The following IGSF22 variants were observed in gnomAD, a reference collection of about 807,000 sequenced individuals.
IGSF22 encodes the protein immunoglobulin superfamily, member 22.
IGSF22 carries 119 observed loss-of-function variants against 127.0 expected under a neutral mutation model. The ratio of observed to expected loss-of-function variants is 0.94; its 90% CI spans 0.81 to 1.09. The LOEUF (loss-of-function observed/expected upper bound fraction) is 1.09, where lower values mean the gene tolerates loss of function less well. Among genes scored for constraint, IGSF22 ranks in the 50% least tolerant of loss-of-function variants. IGSF22 has a pLI of 0.00. For missense variants in IGSF22, 1,518 were observed against 1,716.6 expected, an observed-to-expected ratio of 0.88 and a Z score of 2.04; for synonymous variants, 568 against 664.7, an observed-to-expected ratio of 0.85 and a Z score of 2.24.
intron 16 of IGSF22, 42 bp from the exon 17 acceptor site, chr11:18,710,497 A>C: frequency 6.2e-7 from 1 of 1,611,838 alleles, no homozygotes; most frequent in South Asian, 1.1e-5. Context: ...AGAGGCATCC[A>C]TGGGGTGAGA....
chr11:18,706,025 G>C lies in IGSF22; in HGVS notation c.3702C>G (p.Cys1234Trp), dbSNP rs553408990. 1.9e-6 allele frequency: 3 copies of C among 1,551,648 alleles called. No homozygotes were observed. Among genetic ancestry groups the C allele is most frequent in the Non-Finnish European group, 1.7e-6 (2 of 1,146,976 alleles). ...VLRGQDCTMTCAFLGNPRPTV... is the reference protein window; with the variant it reads ...VLRGQDCTMTWAFLGNPRPTV... ...TGGGCCGCGGGTTCCCAAGGAAGGC[G>C]CAGGTCATGGTGCAGTCCTGGCCGC... is the stretch of plus-strand genomic sequence containing the variant. The change falls in exon 22 of 23, where the codon TGC becomes TGG. Residue 1234 changes from cysteine to tryptophan, a missense_variant. Around this residue, in one of 3 missense-constraint regions of IGSF22, gnomAD observed 1,456 missense variants for 1,644.9 expected, o/e 0.89. Coordinates refer to ENST00000513874, the MANE Select transcript of IGSF22 (RefSeq NM_173588.4).
chr11:18,705,885 C>T lies in IGSF22; in HGVS notation c.3842G>A (p.Gly1281Asp), dbSNP rs1848216319. ...VIPTCTLKDS[G>D]DYSVLVENEL... ...GTTCTCCACCAGCACGCTGTAATCGCCGCTGTCCTTGAGCGTGCAGGTGGG... is the reference window on the plus strand; with the variant it reads ...GTTCTCCACCAGCACGCTGTAATCGTCGCTGTCCTTGAGCGTGCAGGTGGG... The change falls in exon 22 of 23, where the codon GGC becomes GAC. Residue 1281 changes from glycine to aspartate, a missense_variant. By Grantham distance (94) the Gly-to-Asp change is moderately conservative. Transcript: ENST00000513874. 6.4e-7 allele frequency: 1 copy of T among 1,551,618 alleles called. No homozygotes were observed. Among genetic ancestry groups the T allele is most frequent in the Admixed American group, 2.0e-5 (1 of 51,008 alleles).
rs1007353542 is a variant in IGSF22 at position 18,709,037 on chromosome 11, T to C, written c.2998+350A>G. 2.0e-5 allele frequency among the ~76,000 whole-genome samples: 3 copies of C among 152,104 alleles called. No individual in the cohort carries two copies. The highest frequency in any genetic ancestry group is 4.4e-5 in the Non-Finnish European group (3 of 68,024). ...CCCTGGACTTTGAATTTTCGGGGAA[T>C]TGATTTGGGTAATAACTCTGTCTCC... On this transcript the variant is annotated intron_variant, in intron 18 of 22. Transcript: ENST00000513874. The surrounding 1 kb of genome is among the most constrained non-coding windows in gnomAD (Gnocchi z 4.8).
rs1283476789 is a variant in IGSF22, at chr11:18,721,661, G to A, written c.252C>T (p.Ala84=). ...QPVTAPEGDK[A]VFRARVQGNA... ...TCCCCTGCACCCGGGCTCGGAACAC[G>A]GCTTTGTCCCCTGCGATGAGCACAG... The change falls in exon 4 of 23, where the codon GCC becomes GCT. Residue 84 remains alanine (A), a synonymous_variant. Coordinates refer to ENST00000513874, the MANE Select transcript of IGSF22 (RefSeq NM_173588.4). The A allele has an allele frequency of 1.9e-6, 3 of 1,614,252 alleles. No individual in the cohort carries two copies. The highest frequency in any genetic ancestry group is 2.5e-6 in the Non-Finnish European group (3 of 1,180,044).
At chr11:18,715,881 G>A (rs1373011416) in intron 10 of IGSF22, among the ~76,000 whole-genome samples, 165 bp from the exon 11 acceptor site, 4 of 152,202 alleles carry the variant, frequency 2.6e-5, no homozygotes, top group Non-Finnish European at 5.9e-5. Context: ...TACCCGACAG[G>A]GAGAGTCTCA....
At position 18,724,156 on chromosome 11, in the gene IGSF22, G is replaced by C. The variant is rs780154779; in HGVS notation, c.81C>G (p.Thr27=). ...CCACGATCTTGGTTGTCTGGGAGAA[G>C]GTCTGCACGTGGGTGGTGGAGCTGG... ...EFSSSTTHVQ[T]FSQTTKIVGE... Residue 27 remains threonine, a synonymous_variant, in exon 2 of 23, where the codon ACC becomes ACG. Coordinates refer to ENST00000513874, the MANE Select transcript of IGSF22 (RefSeq NM_173588.4). 6.2e-7 allele frequency: 1 copy of C among 1,613,840 alleles called. No individual in the cohort carries two copies. Among genetic ancestry groups the C allele is most frequent in the Admixed American group, 1.7e-5 (1 of 60,024 alleles).
In IGSF22 at chr11:18,721,587, T is replaced by C. The variant is rs190076478; in HGVS notation, c.326A>G (p.Lys109Arg). The change falls in exon 4 of 23, where the codon AAG (lysine) becomes AGG (arginine). Residue 109 changes from lysine to arginine, a missense_variant. Transcript: ENST00000513874. ...SWKRESGIPI[K>R]ESAKIFYDSI... The stretch of plus-strand genomic sequence containing the variant: ...GTCGTAGAATATCTTGGCGGACTCC[T>C]TGATGGGGATGCCGCTCTCCCTCTT... 4.0e-5 allele frequency: 64 copies of C among 1,614,240 alleles called. 1 individual carries two copies. The African/African-American group carries it at 4.4e-4, about 11-fold the overall frequency.
chr11:18,708,466 C>G (rs373405037), intron 18 of IGSF22, among the ~76,000 whole-genome samples, 171 bp from the exon 19 acceptor site: 5 of 152,250 alleles, frequency 3.3e-5, no homozygotes, highest in African/African-American at 1.2e-4. Flanking sequence ...GTTTTCTCAT[C>G]TGTCTCCTTC....
At position 18,708,247 on chromosome 11, in the gene IGSF22, A is replaced by C. The variant is rs1293726086; in HGVS notation, c.3047T>G (p.Val1016Gly). Residue 1016 changes from valine to glycine, a missense_variant, in exon 19 of 23, where the codon GTT becomes GGT. Coordinates refer to ENST00000513874, the MANE Select transcript of IGSF22 (RefSeq NM_173588.4). ...GATGCAGAGGGCTGTCCCAGCGCGA[A>C]CCACCATGTGACTCTTCAGCCGGGC... ...LSARLKSHMV[V>G]RAGTALCIHA... 1.9e-6 allele frequency: 3 copies of C among 1,549,142 alleles called. No individual in the cohort carries two copies. In the East Asian group the frequency reaches 7.3e-5, roughly 38 times the overall value.
chr11:18,713,387 A>T (rs1848393678), intron 14 of IGSF22, among the ~76,000 whole-genome samples: 1 of 152,034 alleles, frequency 6.6e-6, no homozygotes, highest in Non-Finnish European at 1.5e-5. Flanking sequence ...TCCTGACCTT[A>T]AGTGATCCAC....
intron 15 of IGSF22, among the ~76,000 whole-genome samples, chr11:18,711,857 C>G (rs573621683): frequency 6.6e-5 from 10 of 152,208 alleles, no homozygotes; most frequent in Non-Finnish European, 1.3e-4. Context: ...TTGTGCACGT[C>G]CTGGGTATAC....
chr11:18,725,866 G>T lies in IGSF22; in HGVS notation c.-34+208C>A, dbSNP rs559747445. Among the ~76,000 whole-genome samples, 68 of 152,324 alleles carry T rather than the reference G, an allele frequency of 4.5e-4. 1 individual carries two copies. Among genetic ancestry groups the T allele is most frequent in the African/African-American group, 1.5e-3 (64 of 41,576 alleles). On this transcript the variant is annotated intron_variant, in intron 1 of 22. Coordinates refer to ENST00000513874, the MANE Select transcript of IGSF22 (RefSeq NM_173588.4). ...CTCCAGTCCAGTGGCGTCCCAGAGGGCTCCAAAGCCTTCTTTAACCCAGGT... is the reference window on the plus strand; with the variant it reads ...CTCCAGTCCAGTGGCGTCCCAGAGGTCTCCAAAGCCTTCTTTAACCCAGGT...
Position 18,713,883 on chromosome 11 carries a change from T to C in IGSF22, c.2064A>G (p.Ser688=). The C allele has an allele frequency of 1.2e-6, 2 of 1,614,176 alleles. No individual in the cohort carries two copies. Among genetic ancestry groups the C allele is most frequent in the Non-Finnish European group, 1.7e-6 (2 of 1,180,026 alleles). The change falls in exon 14 of 23, where the codon TCA becomes TCG. Residue 688 remains serine, a synonymous_variant. Coordinates refer to ENST00000513874, the MANE Select transcript of IGSF22 (RefSeq NM_173588.4). ...CACTAAGGTGCAGAGTGGCCGTGGC[T>C]GAGCCGTGGTCATTCTTGAGCTTGA... The part of the protein sequence containing the change: ...ILLKLKNDHG[S]ATATLHLSVL...
Position 18,724,267 on chromosome 11 carries a change from A to C in IGSF22, c.-31T>G. ...CAGCAGGCGTGGGCACTCACCTGTGAGACTGGGGAAGAGGATGAGGCCATG... is the reference window on the plus strand; with the variant it reads ...CAGCAGGCGTGGGCACTCACCTGTGCGACTGGGGAAGAGGATGAGGCCATG... On this transcript the variant is annotated splice_region_variant and 5_prime_UTR_variant, in exon 2 of 23. Coordinates refer to ENST00000513874, the MANE Select transcript of IGSF22 (RefSeq NM_173588.4). 6.6e-7 allele frequency: 1 copy of C among 1,504,000 alleles called. No homozygotes were observed. The highest frequency in any genetic ancestry group is 9.2e-7 in the Non-Finnish European group (1 of 1,081,196). The allele number at this position is 1,504,000 out of a possible 1,614,324, so 93.2% of individuals were successfully genotyped here.
In IGSF22 at chr11:18,712,237, C is replaced by T; in HGVS notation, c.2243G>A (p.Trp748Ter). The stretch of plus-strand genomic sequence containing the variant: ...GCCGTCCACCTCGCCTATCTTAATC[C>T]AGGACTTCTTGCCAACTGCCCTCCG... ...VERRAVGKKS[W>*]IKIGEVDGKV... The change falls in exon 15 of 23, where the codon TGG (tryptophan) becomes TAG (stop). Residue 748 changes from tryptophan to a stop codon, truncating the protein, a stop_gained. Coordinates refer to ENST00000513874, the MANE Select transcript of IGSF22 (RefSeq NM_173588.4). LOFTEE classifies it high-confidence loss of function. 6.4e-7 allele frequency: 1 copy of T among 1,551,734 alleles called. No individual in the cohort carries two copies. Among genetic ancestry groups the T allele is most frequent in the Non-Finnish European group, 8.7e-7 (1 of 1,146,996 alleles).
At chr11:18,713,161 T>A (rs1025100622) in intron 14 of IGSF22, among the ~76,000 whole-genome samples, 1 of 149,806 alleles carries the variant, frequency 6.7e-6, no homozygotes, top group African/African-American at 2.4e-5. Flanking sequence ...CTTTTTTTTT[T>A]TTTTTTTTGG....
At position 18,707,800 on chromosome 11, in the gene IGSF22, A is replaced by G; in HGVS notation, c.3280+4T>C. On this transcript the variant is annotated splice_donor_region_variant and intron_variant, in intron 20 of 22. Coordinates refer to ENST00000513874, the MANE Select transcript of IGSF22 (RefSeq NM_173588.4). ...TCTTGGAGGCCTCTGCCTTCTCTCC[A>G]TACCTGCCACGCGCACATGGATGTC... is the stretch of plus-strand genomic sequence containing the variant. 2 of 1,570,726 alleles carry G rather than the reference A, an allele frequency of 1.3e-6. No individual in the cohort carries two copies. The highest frequency in any genetic ancestry group is 2.3e-5 in the South Asian group (2 of 86,074).
Position 18,707,738 on chromosome 11 carries a change from C to T in IGSF22, c.3280+66G>A, listed in dbSNP as rs1430734931. ...TCCTGTGGTAGGAACTCAAGCGGCA[C>T]TGGGGAGCTGTGCTTTGGAGAGTGT... On this transcript the variant is annotated intron_variant, in intron 20 of 22. Transcript: ENST00000513874. 3.6e-6 allele frequency: 5 copies of T among 1,388,040 alleles called. No individual in the cohort carries two copies. The Admixed American group carries it at 1.0e-4, about 28-fold the overall frequency. The allele number at this position is 1,388,040 out of a possible 1,614,324, so 86.0% of individuals were successfully genotyped here. A position where few individuals can be genotyped will look rare whatever the true frequency, so the allele number is the denominator to read the frequency against.
At chr11:18,725,589 C>T (rs146008870) in intron 1 of IGSF22, among the ~76,000 whole-genome samples, 1 of 152,174 alleles carries the variant, frequency 6.6e-6, no homozygotes, top group East Asian at 1.9e-4. Flanking sequence ...TACAGGCACC[C>T]GCCATCACAC....
Sources: gnomAD v4.1 joint callset for allele counts (sites outside exome capture counted in the v4.1 genomes callset) on GRCh38, gnomAD v4.1.1 for gene constraint, gnomAD v4.1.1 regional missense constraint, Gnocchi (gnomAD v3.1) non-coding constraint, MANE v1.5 for transcripts, NCBI Gene and HGNC (gene_info 2026-07-23, HGNC 2026-07-21) for gene names.